The following GLIS3 variants were observed in gnomAD, a reference collection of about 807,000 sequenced individuals.
GLIS3 encodes zinc finger protein GLIS3.
In GLIS3, 53 loss-of-function variants were observed where a neutral mutation model predicts 78.6. The observed-to-expected ratio is 0.67, with a 90% CI of 0.54 to 0.85. The LOEUF (loss-of-function observed/expected upper bound fraction) is 0.85. Among genes scored for constraint, GLIS3 ranks in the 40% least tolerant of loss-of-function variants. The probability of loss-of-function intolerance (pLI) is 0.00; values close to 1 mark genes in which losing one functional copy is unlikely to be tolerated. For synonymous variants in GLIS3, 684 were observed against 509.9 expected, an observed-to-expected ratio of 1.34 and a Z score of -4.60; for missense variants, 1,703 against 1,231.1, an observed-to-expected ratio of 1.38 and a Z score of -5.74.
In GLIS3 at chr9:4,214,470, A is replaced by T. The variant is rs534378266; in HGVS notation, c.388+71568T>A. 2.0e-5 allele frequency among the ~76,000 whole-genome samples: 3 copies of T among 152,332 alleles called. No individual in the cohort carries two copies. In the South Asian group the frequency reaches 6.2e-4, roughly 32 times the overall value. The stretch of plus-strand genomic sequence containing the variant: ...GGTAACATTCACCCCACATTGACTG[A>T]GAATCTCCCTAACTGCCAGGGCTAT... On this transcript the variant is annotated intron_variant, in intron 2 of 10. Transcript: ENST00000381971.
the GLIS3 span, among the ~76,000 whole-genome samples, chr9:4,470,186 C>A: frequency 1.3e-5 from 2 of 152,148 alleles, no homozygotes; most frequent in Non-Finnish European, 2.9e-5. Flanking sequence ...CAAAGAGGAG[C>A]TGGTACCATT....
At chr9:4,406,231 A>T in the GLIS3 span, among the ~76,000 whole-genome samples, 1 of 152,218 alleles carries the variant, frequency 6.6e-6, no homozygotes, top group Admixed American at 6.5e-5. Context: ...TATAGCAATC[A>T]GATAAGAGAA....
intron 2 of GLIS3, among the ~76,000 whole-genome samples, chr9:4,313,545 C>G (rs928831230): frequency 1.3e-5 from 2 of 152,224 alleles, no homozygotes; most frequent in East Asian, 3.8e-4. Flanking sequence ...ATTTGGCTGA[C>G]AGGCAGTTGT....
chr9:4,396,910 G>C, the GLIS3 span, among the ~76,000 whole-genome samples: 2 of 151,870 alleles, frequency 1.3e-5, no homozygotes, highest in Non-Finnish European at 2.9e-5. Flanking sequence ...CCTTCGCCTC[G>C]TGTTTTCTGG....
At chr9:4,171,699 A>T (rs1049985501) in intron 2 of GLIS3, among the ~76,000 whole-genome samples, 3 of 152,230 alleles carry the variant, frequency 2.0e-5, no homozygotes, top group African/African-American at 7.2e-5. Flanking sequence ...GCAATCTAAG[A>T]TGACTTGAAC....
chr9:3,987,153 T>C (rs796559755), intron 4 of GLIS3, among the ~76,000 whole-genome samples: 2 of 151,950 alleles, frequency 1.3e-5, no homozygotes, highest in African/African-American at 4.8e-5. Flanking sequence ...AAGCGTAAAT[T>C]ATAATAATAA....
chr9:4,136,676 A>G (rs531228029), intron 2 of GLIS3, among the ~76,000 whole-genome samples: 2 of 152,320 alleles, frequency 1.3e-5, no homozygotes, highest in African/African-American at 4.8e-5. Flanking sequence ...AGGAAGTAGT[A>G]GGGTGTAGAC....
At chr9:4,185,627 G>T (rs1201290430) in intron 2 of GLIS3, among the ~76,000 whole-genome samples, 1 of 152,142 alleles carries the variant, frequency 6.6e-6, no homozygotes, top group Admixed American at 6.5e-5. Flanking sequence ...GGTTTAATAA[G>T]GGGACTAAAT....
intron 4 of GLIS3, among the ~76,000 whole-genome samples, chr9:3,972,106 A>T (rs186153661): frequency 6.6e-6 from 1 of 152,290 alleles, no homozygotes; most frequent in African/African-American, 2.4e-5. Flanking sequence ...TCAGAATGCC[A>T]TATAAAGGTA....
At chr9:4,141,044 C>T (rs1564108367) in intron 2 of GLIS3, among the ~76,000 whole-genome samples, 1 of 152,206 alleles carries the variant, frequency 6.6e-6, no homozygotes, top group Non-Finnish European at 1.5e-5. Flanking sequence ...AGGTGATCCA[C>T]CCTCCTCGTC....
rs1168388353 is a variant in GLIS3 at position 4,177,493 on chromosome 9, G to A, written c.389-51552C>T. On this transcript the variant is annotated intron_variant, in intron 2 of 10. Transcript: ENST00000381971. Reference sequence around the variant, plus strand: ...TGAAACAGATACAGGTGAAGGTGCTGGAGCTGAAGCAAGATACCCTCCCTT... The same window carrying A: ...TGAAACAGATACAGGTGAAGGTGCTAGAGCTGAAGCAAGATACCCTCCCTT... 3.3e-5 allele frequency among the ~76,000 whole-genome samples: 5 copies of A among 152,146 alleles called. No homozygotes were observed. The South Asian group carries it at 1.0e-3, about 32-fold the overall frequency.
chr9:4,453,182 A>C, the GLIS3 span, among the ~76,000 whole-genome samples: 1 of 152,126 alleles, frequency 6.6e-6, no homozygotes, highest in Non-Finnish European at 1.5e-5. Flanking sequence ...TAAAGACTTA[A>C]ATGTTAGACC....
chr9:3,941,377 T>A (rs146414181), intron 4 of GLIS3, among the ~76,000 whole-genome samples: 12 of 151,976 alleles, frequency 7.9e-5, no homozygotes, highest in African/African-American at 2.7e-4. Context: ...TTATTTATTT[T>A]ATTTTTTTTA....
intron 3 of GLIS3, among the ~76,000 whole-genome samples, chr9:4,122,108 T>A (rs893500408): frequency 4.6e-5 from 7 of 152,220 alleles, no homozygotes; most frequent in Admixed American, 2.0e-4. Flanking sequence ...TCAGAAACCA[T>A]CAGCAAAAAT....
intron 4 of GLIS3, among the ~76,000 whole-genome samples, chr9:3,941,378 A>AT (rs892871733): frequency 7.7e-4 from 117 of 151,596 alleles, no homozygotes; most frequent in Non-Finnish European, 1.1e-3. Context: ...TATTTATTTT[A>AT]TTTTTTTTAA....
Position 3,829,417 on chromosome 9 carries a change from G to T in GLIS3, c.2549C>A (p.Ser850Tyr). The T allele has an allele frequency of 6.2e-7, 1 of 1,614,174 alleles. No homozygotes were observed. Among genetic ancestry groups the T allele is most frequent in the Non-Finnish European group, 8.5e-7 (1 of 1,180,024 alleles). Reference protein sequence around the residue: ...DSQRIVPPVSSCSVVPSFEDC... With the variant: ...DSQRIVPPVSYCSVVPSFEDC... ...CTCAAACGAAGGCACCACACTGCAGGAGCTGACAGGCGGCACAATTCTCTG... is the reference window on the plus strand; with the variant it reads ...CTCAAACGAAGGCACCACACTGCAGTAGCTGACAGGCGGCACAATTCTCTG... Residue 850 changes from serine to tyrosine, a missense_variant, in exon 10 of 11, where the codon TCC becomes TAC. Ser to Tyr is a moderately radical substitution (Grantham distance 144). Transcript: ENST00000381971.
At chr9:4,021,702 T>C (rs925531713) in intron 4 of GLIS3, among the ~76,000 whole-genome samples, 6 of 152,164 alleles carry the variant, frequency 3.9e-5, no homozygotes, top group African/African-American at 7.2e-5. Context: ...CCTTGGGGCT[T>C]AGAGACTTTC....
intron 2 of GLIS3, among the ~76,000 whole-genome samples, chr9:4,342,250 C>G (rs1351344651): frequency 6.6e-6 from 1 of 152,150 alleles, no homozygotes; most frequent in African/African-American, 2.4e-5. Context: ...TTTAACCCAT[C>G]TTGAGTTAAT....
chr9:4,390,987 C>G, the GLIS3 span, among the ~76,000 whole-genome samples: 1 of 152,168 alleles, frequency 6.6e-6, no homozygotes, highest in East Asian at 1.9e-4. Flanking sequence ...TCCACAAAGG[C>G]TTGCTTCCTG....
Sources: gnomAD v4.1 joint callset for allele counts (sites outside exome capture counted in the v4.1 genomes callset) on GRCh38, gnomAD v4.1.1 for gene constraint, MANE v1.5 for transcripts, NCBI Gene and HGNC (gene_info 2026-07-23, HGNC 2026-07-21) for gene names.